Variants in HIVEP2 observed in about 807,000 individuals in gnomAD.
The protein encoded by HIVEP2 is HIVEP zinc finger 2.
Under a neutral mutation model 180.7 loss-of-function variants are expected in HIVEP2, and 14 were observed. That is an observed-to-expected ratio of 0.08 (90% CI 0.05 to 0.12). The LOEUF is 0.12. Ranked by LOEUF, HIVEP2 falls within the 10% of genes least tolerant of loss-of-function variation. The probability of loss-of-function intolerance (pLI) is 1.00; values close to 1 mark genes in which losing one functional copy is unlikely to be tolerated. For synonymous variants in HIVEP2, 1,184 were observed against 1,136.4 expected, an observed-to-expected ratio of 1.04 and a Z score of -0.84; for missense variants, 2,579 against 3,008.5, an observed-to-expected ratio of 0.86 and a Z score of 3.34.
chr6:142,761,286 T>C (rs777756009), intron 8 of HIVEP2, among the ~76,000 whole-genome samples, 178 bp downstream of exon 8: 1 of 152,204 alleles, frequency 6.6e-6, no homozygotes, highest in Non-Finnish European at 1.5e-5. Context: ...CTGAAATGCA[T>C]TTCTTCTCAG....
intron 1 of HIVEP2, among the ~76,000 whole-genome samples, chr6:142,892,811 G>A (rs1053051655): frequency 6.6e-6 from 1 of 152,158 alleles, no homozygotes; most frequent in African/African-American, 2.4e-5. Flanking sequence ...GTAAGGGAAT[G>A]GGGAGTCAAG....
intron 1 of HIVEP2, among the ~76,000 whole-genome samples, chr6:142,865,608 A>G (rs981624872): frequency 1.3e-5 from 2 of 152,202 alleles, no homozygotes; most frequent in Non-Finnish European, 2.9e-5. Flanking sequence ...ACTATAAATT[A>G]TAATGACATT....
Position 142,945,075 on chromosome 6 carries a change from C to T in HIVEP2, c.-641+24G>A, listed in dbSNP as rs908089637. The T allele has an allele frequency of 2.7e-5, 4 of 146,498 alleles. No individual in the cohort carries two copies. The highest frequency in any genetic ancestry group is 9.8e-5 in the African/African-American group (4 of 40,862). 9.1% of individuals were successfully genotyped at this position (146,498 alleles called of 1,614,324 possible). A position where few individuals can be genotyped will look rare whatever the true frequency, so the allele number is the denominator to read the frequency against. ...AGCCCGCCCGGCCGCCTGCGCCGCG[C>T]GCCGCGGCCCCCTCCCCCGCTACCT... On this transcript the variant is annotated intron_variant, in intron 1 of 9. Transcript: ENST00000367603. This position sits in a 1 kb window ranked among gnomAD's most constrained non-coding sequence, Gnocchi z 5.5.
In HIVEP2 at chr6:142,753,499, C is replaced by T. The variant is rs759098324; in HGVS notation, c.6949G>A (p.Ala2317Thr). The change falls in exon 10 of 10, where the codon GCA (alanine) becomes ACA (threonine). Residue 2317 changes from alanine to threonine, a missense_variant. Around this residue, in one of 11 missense-constraint regions of HIVEP2, gnomAD observed 660 missense variants for 731.7 expected, o/e 0.90. Transcript: ENST00000367603. ...KQSTSEDSLN[A>T]TEREQEENIQ... is the part of the protein sequence containing the mutation. ...TTTTCCTCCTGTTCCCGCTCTGTTG[C>T]GTTTAGGCTGTCTTCCGAAGTGCTC... 3 of 1,614,112 alleles carry T rather than the reference C, an allele frequency of 1.9e-6. No homozygotes were observed. The highest frequency in any genetic ancestry group is 2.5e-6 in the Non-Finnish European group (3 of 1,180,042).
intron 2 of HIVEP2, among the ~76,000 whole-genome samples, chr6:142,793,673 T>TTCTTTCTTTCTTTCTC (rs1289211652): frequency 1.4e-4 from 15 of 107,510 alleles, no homozygotes; most frequent in Admixed American, 3.7e-4. Context: ...CTTTCTTTCT[T>TTCTTTCTTTCTTTCTC]TCTCTCTCTC....
chr6:142,939,135 T>G (rs1046146119), intron 1 of HIVEP2, among the ~76,000 whole-genome samples: 1 of 152,178 alleles, frequency 6.6e-6, no homozygotes. Flanking sequence ...ACTTAAAATG[T>G]TCAAATTGAC....
At chr6:142,874,230 A>C (rs1776369107) in intron 1 of HIVEP2, among the ~76,000 whole-genome samples, 1 of 152,318 alleles carries the variant, frequency 6.6e-6, no homozygotes, top group East Asian at 1.9e-4. Context: ...TGAATATATA[A>C]AAACTTAAAT....
At chr6:142,780,424 T>C (rs1466428380) in intron 3 of HIVEP2, among the ~76,000 whole-genome samples, 1 of 152,190 alleles carries the variant, frequency 6.6e-6, no homozygotes, top group African/African-American at 2.4e-5. Context: ...ATTTGAAACA[T>C]GTTTGAGGAT....
At chr6:142,833,470 C>T (rs535060580) in intron 2 of HIVEP2, among the ~76,000 whole-genome samples, 87 of 152,236 alleles carry the variant, frequency 5.7e-4, no homozygotes, top group African/African-American at 2.0e-3. Context: ...GAAGGAAATA[C>T]TATGAAATGA....
chr6:142,764,675 G>A (rs771945209), intron 7 of HIVEP2, 124 bp downstream of exon 7: 28 of 748,532 alleles, frequency 3.7e-5, no homozygotes, highest in Middle Eastern at 3.3e-4. Flanking sequence ...AATATATTTC[G>A]TGGAATCATA....
Position 142,752,992 on chromosome 6 carries a change from G to C in HIVEP2, c.*115C>G. ...TGATATAACAAAAGTATATATAATA[G>C]CAAACTACTGTAACTTAGGACAGGC... On this transcript the variant is annotated 3_prime_UTR_variant, in exon 10 of 10. Transcript: ENST00000367603. The C allele has an allele frequency of 1.5e-6, 1 of 679,406 alleles. No homozygotes were observed. Among genetic ancestry groups the C allele is most frequent in the Non-Finnish European group, 2.6e-6 (1 of 383,500 alleles). 42.1% of individuals were successfully genotyped at this position (679,406 alleles called of 1,614,324 possible).
intron 1 of HIVEP2, among the ~76,000 whole-genome samples, chr6:142,917,830 C>T (rs1201256996): frequency 6.6e-6 from 1 of 152,112 alleles, no homozygotes; most frequent in Non-Finnish European, 1.5e-5. Flanking sequence ...GGCTACAGCG[C>T]AGTGGAGCAA....
chr6:142,830,714 A>G (rs1339601026), intron 2 of HIVEP2, among the ~76,000 whole-genome samples: 1 of 152,154 alleles, frequency 6.6e-6, no homozygotes, highest in Non-Finnish European at 1.5e-5. Flanking sequence ...CTGGTACACA[A>G]TCAAATTCAT....
At chr6:142,906,851 G>T (rs933613113) in intron 1 of HIVEP2, among the ~76,000 whole-genome samples, 3 of 152,124 alleles carry the variant, frequency 2.0e-5, no homozygotes, top group African/African-American at 7.2e-5. Flanking sequence ...AAATCAAGTT[G>T]ATACATTATA....
intron 1 of HIVEP2, among the ~76,000 whole-genome samples, chr6:142,906,678 T>A (rs1447540825): frequency 6.6e-6 from 1 of 151,824 alleles, no homozygotes; most frequent in East Asian, 1.9e-4. Context: ...TTAAATTAGA[T>A]CAAAAATATG....
intron 8 of HIVEP2, 98 bp from the exon 9 acceptor site, chr6:142,760,765 C>T: frequency 1.2e-6 from 1 of 837,930 alleles, no homozygotes; most frequent in East Asian, 2.6e-5. Flanking sequence ...TTTCCCAATC[C>T]CTAGTGCCCA....
chr6:142,824,671 C>T (rs1774817837), intron 2 of HIVEP2, among the ~76,000 whole-genome samples: 1 of 152,188 alleles, frequency 6.6e-6, no homozygotes, highest in Admixed American at 6.5e-5. Flanking sequence ...TGCCTAATAC[C>T]TCGTAGCCGT....
intron 9 of HIVEP2, among the ~76,000 whole-genome samples, chr6:142,758,497 G>A (rs569857865): frequency 1.3e-5 from 2 of 152,320 alleles, no homozygotes; most frequent in African/African-American, 4.8e-5. Context: ...TGGTGCTGAT[G>A]CACTTGACAC....
At chr6:142,906,985 TC>T (rs1425263642) in intron 1 of HIVEP2, among the ~76,000 whole-genome samples, 1 of 152,106 alleles carries the variant, frequency 6.6e-6, no homozygotes, top group Non-Finnish European at 1.5e-5. Context: ...AAATTAAATC[TC>T]CCAAATGCAT....
Sources: allele counts gnomAD v4.1 joint callset (sites outside exome capture counted in the v4.1 genomes callset), GRCh38; gene constraint gnomAD v4.1.1; regional missense constraint gnomAD v4.1.1; non-coding constraint Gnocchi (gnomAD v3.1); transcripts MANE v1.5; gene names NCBI Gene and HGNC (gene_info 2026-07-23, HGNC 2026-07-21).